CAMK1D: variants seen among roughly 807,000 people sequenced by gnomAD.
CAMK1D encodes the protein calcium/calmodulin-dependent protein kinase type 1D.
In CAMK1D, 9 loss-of-function variants were observed where a neutral mutation model predicts 47.7. The observed-to-expected ratio is 0.19, with a 90% CI of 0.11 to 0.33. The LOEUF (loss-of-function observed/expected upper bound fraction) is 0.33, where lower values mean the gene tolerates loss of function less well. Among genes scored for constraint, CAMK1D ranks in the 10% least tolerant of loss-of-function variants. The pLI, the probability that CAMK1D is intolerant of heterozygous loss-of-function variation, is 1.00. For synonymous variants in CAMK1D, 184 were observed against 184.9 expected, an observed-to-expected ratio of 0.99 and a Z score of 0.04; for missense variants, 291 against 488.7, an observed-to-expected ratio of 0.60 and a Z score of 3.81.
chr10:12,643,371 A>G (rs907706845), intron 2 of CAMK1D, among the ~76,000 whole-genome samples: 1 of 152,104 alleles, frequency 6.6e-6, no homozygotes, highest in Non-Finnish European at 1.5e-5. Flanking sequence ...AACCCCAGAT[A>G]CCCTATCTGT....
intron 1 of CAMK1D, among the ~76,000 whole-genome samples, chr10:12,511,500 A>G (rs1238985597): frequency 6.6e-6 from 1 of 152,090 alleles, no homozygotes; most frequent in African/African-American, 2.4e-5. Context: ...GGCCCCAGCT[A>G]CCTGGGAGGC....
intron 3 of CAMK1D, among the ~76,000 whole-genome samples, chr10:12,687,901 T>C (rs1189752218): frequency 6.6e-6 from 1 of 152,172 alleles, no homozygotes; most frequent in Non-Finnish European, 1.5e-5. Context: ...CTCAGGAACA[T>C]CTTGACTCAT....
chr10:12,547,682 T>TCTCTCTCTCACA (rs10643491), intron 1 of CAMK1D, among the ~76,000 whole-genome samples: 2 of 116,508 alleles, frequency 1.7e-5, no homozygotes, highest in African/African-American at 7.5e-5. Flanking sequence ...TTTCTCTCTC[T>TCTCTCTCTCACA]CACACACACA....
intron 1 of CAMK1D, among the ~76,000 whole-genome samples, chr10:12,502,011 A>G (rs1834719146): frequency 6.6e-6 from 1 of 152,170 alleles, no homozygotes; most frequent in Non-Finnish European, 1.5e-5. Flanking sequence ...GAGCTGGGAT[A>G]GAACTGAGGC....
intron 4 of CAMK1D, 37 bp from the exon 5 acceptor site, chr10:12,769,636 C>T (rs761915183): frequency 3.1e-5 from 50 of 1,609,812 alleles, no homozygotes; most frequent in East Asian, 2.9e-4. Flanking sequence ...CAGCTTTACA[C>T]GTAGTTTGTA....
intron 6 of CAMK1D, among the ~76,000 whole-genome samples, chr10:12,800,997 G>T (rs181534944): frequency 1.3e-5 from 2 of 152,226 alleles, no homozygotes; most frequent in East Asian, 3.9e-4. Flanking sequence ...GTAGAGTGTG[G>T]GACATTGGGG....
intron 1 of CAMK1D, among the ~76,000 whole-genome samples, chr10:12,427,143 C>A (rs964961323): frequency 5.3e-5 from 8 of 152,296 alleles, no homozygotes; most frequent in African/African-American, 1.9e-4. Context: ...TTTCTCAGGA[C>A]AACTGGGCAT....
At chr10:12,366,197 GT>G (rs1441373609) in intron 1 of CAMK1D, among the ~76,000 whole-genome samples, 1 of 152,240 alleles carries the variant, frequency 6.6e-6, no homozygotes, top group African/African-American at 2.4e-5. Context: ...AAACCCCAAA[GT>G]TTCATAGTCT....
intron 1 of CAMK1D, among the ~76,000 whole-genome samples, chr10:12,551,447 C>T (rs889850353): frequency 6.6e-6 from 1 of 152,148 alleles, no homozygotes; most frequent in African/African-American, 2.4e-5. Context: ...TTATACATTA[C>T]TGTGTAATAA....
intron 6 of CAMK1D, among the ~76,000 whole-genome samples, chr10:12,795,592 G>A (rs904536646): frequency 6.6e-6 from 1 of 152,162 alleles, no homozygotes; most frequent in South Asian, 2.1e-4. Flanking sequence ...ATTTTTGTTT[G>A]ATAAACCTGT....
chr10:12,490,134 C>T (rs987619787), intron 1 of CAMK1D, among the ~76,000 whole-genome samples: 2 of 152,168 alleles, frequency 1.3e-5, no homozygotes, highest in Non-Finnish European at 2.9e-5. Flanking sequence ...CTCCGAGGGC[C>T]TCTGAGTGAG....
At chr10:12,387,397 T>TATATTATATATTATATATATTTTATATA (rs199871181) in intron 1 of CAMK1D, among the ~76,000 whole-genome samples, 1 of 83,754 alleles carries the variant, frequency 1.2e-5, no homozygotes, top group South Asian at 3.7e-4. Context: ...ATATTATATA[T>TATATTATATATTATATATATTTTATATA]TTTTATATAT....
intron 1 of CAMK1D, among the ~76,000 whole-genome samples, chr10:12,527,085 A>T (rs1022729147): frequency 2.0e-5 from 3 of 151,806 alleles, no homozygotes; most frequent in Admixed American, 2.0e-4. Context: ...TTTTATTCCC[A>T]CTTTCTTTGG....
intron 1 of CAMK1D, among the ~76,000 whole-genome samples, chr10:12,462,313 G>C (rs929573370): frequency 6.6e-6 from 1 of 151,620 alleles, no homozygotes; most frequent in Non-Finnish European, 1.5e-5. Flanking sequence ...CTACGGGCAC[G>C]CGCCACCGTG....
chr10:12,794,060 T>G (rs748553226), intron 6 of CAMK1D, among the ~76,000 whole-genome samples: 117 of 152,242 alleles, frequency 7.7e-4, no homozygotes, highest in Middle Eastern at 3.4e-3. Context: ...TCCCAGCCAC[T>G]CTGAAGAAAG....
At chr10:12,800,377 A>T (rs1051820021) in intron 6 of CAMK1D, among the ~76,000 whole-genome samples, 3 of 152,260 alleles carry the variant, frequency 2.0e-5, no homozygotes, top group Admixed American at 6.5e-5. Context: ...CTGTCATATT[A>T]TACAGAGTAA....
chr10:12,771,940 A>G (rs1405665604), intron 5 of CAMK1D, among the ~76,000 whole-genome samples: 1 of 151,966 alleles, frequency 6.6e-6, no homozygotes, highest in Non-Finnish European at 1.5e-5. Context: ...AGGCTGAGGC[A>G]GGAGAATCGC....
At chr10:12,640,608 A>G (rs749314267) in intron 2 of CAMK1D, among the ~76,000 whole-genome samples, 2 of 152,282 alleles carry the variant, frequency 1.3e-5, no homozygotes, top group Non-Finnish European at 2.9e-5. Context: ...GGGTAAACAG[A>G]TACTTTTTTT....
chr10:12,808,705 G>A (rs1211570162), intron 6 of CAMK1D, among the ~76,000 whole-genome samples: 1 of 152,088 alleles, frequency 6.6e-6, no homozygotes, highest in African/African-American at 2.4e-5. Context: ...TTGAACCCAG[G>A]AGGTGGAGGT....
Sources: gnomAD v4.1 joint callset for allele counts (sites outside exome capture counted in the v4.1 genomes callset) on GRCh38, gnomAD v4.1.1 for gene constraint, MANE v1.5 for transcripts, NCBI Gene and HGNC (gene_info 2026-07-23, HGNC 2026-07-21) for gene names.